Variants in CCDC7 observed in about 807,000 individuals in gnomAD.
CCDC7 encodes coiled-coil domain containing 7.
In CCDC7, 183 loss-of-function variants were observed where a neutral mutation model predicts 196.9. The observed-to-expected ratio is 0.93, with a 90% CI of 0.82 to 1.05. The LOEUF (loss-of-function observed/expected upper bound fraction) is 1.05. Ranked by LOEUF, CCDC7 falls within the 50% of genes least tolerant of loss-of-function variation. The probability of loss-of-function intolerance (pLI) is 0.00; values close to 1 mark genes in which losing one functional copy is unlikely to be tolerated. For synonymous variants in CCDC7, 525 were observed against 484.6 expected, an observed-to-expected ratio of 1.08 and a Z score of -1.10; for missense variants, 1,540 against 1,482.2, an observed-to-expected ratio of 1.04 and a Z score of -0.64.
chr10:32,767,906 CAA>C (rs1360899669), intron 28 of CCDC7, among the ~76,000 whole-genome samples: 1 of 151,946 alleles, frequency 6.6e-6, no homozygotes, highest in Non-Finnish European at 1.5e-5. Context: ...AGAAATTTAA[CAA>C]AGAGATTGAA....
chr10:32,505,905 C>G (rs2044912512), intron 9 of CCDC7, among the ~76,000 whole-genome samples: 1 of 147,636 alleles, frequency 6.8e-6, no homozygotes, highest in South Asian at 2.2e-4. Context: ...CGCTCCTTGC[C>G]TCCCAGACAG....
intron 28 of CCDC7, among the ~76,000 whole-genome samples, chr10:32,740,549 C>T (rs531588186): frequency 1.3e-5 from 2 of 152,284 alleles, no homozygotes; most frequent in South Asian, 4.1e-4. Flanking sequence ...TGACTATGTG[C>T]AGATTTTGGC....
At chr10:32,757,994 A>T (rs1368210779) in intron 28 of CCDC7, among the ~76,000 whole-genome samples, 2 of 152,230 alleles carry the variant, frequency 1.3e-5, no homozygotes, top group Non-Finnish European at 2.9e-5. Flanking sequence ...AAACTAGAAA[A>T]TCTAGAAGAA....
intron 41 of CCDC7, among the ~76,000 whole-genome samples, chr10:32,856,973 C>A (rs1182101454): frequency 6.6e-6 from 1 of 152,088 alleles, no homozygotes; most frequent in Non-Finnish European, 1.5e-5. Context: ...ACACTGAGCC[C>A]CAGACCCCAG....
intron 28 of CCDC7, among the ~76,000 whole-genome samples, chr10:32,746,634 T>C (rs1487646957): frequency 6.6e-6 from 1 of 152,208 alleles, no homozygotes; most frequent in Non-Finnish European, 1.5e-5. Flanking sequence ...CCTGGCTATG[T>C]CTACTTGCAA....
intron 21 of CCDC7, among the ~76,000 whole-genome samples, chr10:32,678,497 A>G (rs60172194): frequency 0.053 from 8,061 of 152,170 alleles, 711 homozygotes; most frequent in African/African-American, 0.18. Flanking sequence ...GGGCAAGCCT[A>G]CTGCTGTGAT....
At chr10:32,518,656 T>C in intron 11 of CCDC7, 151 bp downstream of exon 12, 1 of 607,938 alleles carries the variant, frequency 1.6e-6, no homozygotes, top group Non-Finnish European at 2.5e-6. Flanking sequence ...AATTATGCCA[T>C]ATTCTAAATT....
chr10:32,501,201 G>C (rs1380233628), intron 9 of CCDC7, among the ~76,000 whole-genome samples: 2 of 152,002 alleles, frequency 1.3e-5, no homozygotes, highest in Non-Finnish European at 2.9e-5. Flanking sequence ...GCTTCACAAA[G>C]TTCTCGTCCT....
At chr10:32,576,597 C>A (rs1485459015) in intron 16 of CCDC7, among the ~76,000 whole-genome samples, 2 of 143,826 alleles carry the variant, frequency 1.4e-5, no homozygotes, top group Admixed American at 1.4e-4. Context: ...GTCCCCTAGG[C>A]TGGAGTGCAG....
chr10:32,570,282 T>C (rs1590024649), intron 15 of CCDC7, among the ~76,000 whole-genome samples: 1 of 152,228 alleles, frequency 6.6e-6, no homozygotes, highest in South Asian at 2.1e-4. Flanking sequence ...GATCCAATTA[T>C]TATCCATCAA....
intron 24 of CCDC7, among the ~76,000 whole-genome samples, chr10:32,708,970 G>A (rs1207565309): frequency 6.6e-6 from 1 of 152,038 alleles, no homozygotes; most frequent in Non-Finnish European, 1.5e-5. Context: ...CCCATTACTG[G>A]GTATATACCC....
intron 1 of CCDC7, among the ~76,000 whole-genome samples, chr10:32,452,874 AT>A (rs1476200699): frequency 1.3e-5 from 2 of 152,188 alleles, no homozygotes; most frequent in Non-Finnish European, 2.9e-5. Flanking sequence ...GAGCACAAAT[AT>A]AAAAAAATAT....
chr10:32,479,900 G>T (rs1246886658), intron 8 of CCDC7, among the ~76,000 whole-genome samples: 1 of 150,158 alleles, frequency 6.7e-6, no homozygotes, highest in African/African-American at 2.5e-5. Context: ...TTACTAGTCT[G>T]TTCAGACTTT....
At chr10:32,704,660 G>T (rs1025653635) in intron 24 of CCDC7, among the ~76,000 whole-genome samples, 1 of 152,132 alleles carries the variant, frequency 6.6e-6, no homozygotes, top group Non-Finnish European at 1.5e-5. Flanking sequence ...GCTCCACCCA[G>T]TTCGAACATC....
chr10:32,502,346 A>G (rs1009070097), intron 9 of CCDC7, among the ~76,000 whole-genome samples: 3 of 152,146 alleles, frequency 2.0e-5, no homozygotes, highest in Admixed American at 2.0e-4. Flanking sequence ...CCCAGGTGAG[A>G]CAACACCCCA....
At chr10:32,583,356 T>C (rs900936851) in intron 17 of CCDC7, 49 bp downstream of exon 18, 171 of 1,115,362 alleles carry the variant, frequency 1.5e-4, no homozygotes, top group Non-Finnish European at 1.9e-4. Context: ...TATTGCTCCT[T>C]CAATAAATAA....
chr10:32,687,576 C>T (rs771739382), intron 22 of CCDC7, among the ~76,000 whole-genome samples: 32 of 152,192 alleles, frequency 2.1e-4, no homozygotes, highest in Non-Finnish European at 5.9e-5. Flanking sequence ...TTATCTGTTT[C>T]ACCCTCATCC....
intron 18 of CCDC7, among the ~76,000 whole-genome samples, chr10:32,584,679 G>A (rs2137554283): frequency 6.9e-6 from 1 of 145,704 alleles, no homozygotes; most frequent in East Asian, 2.1e-4. Context: ...CTTGAACCCA[G>A]GAGGTGGAGG....
At chr10:32,443,421 C>T (rs768011162), upstream of CCDC7, among the ~76,000 whole-genome samples, 1 of 152,166 alleles carries the variant, frequency 6.6e-6, no homozygotes, top group African/African-American at 2.4e-5. Context: ...TTCACATTAT[C>T]CCTTGAAGGA....
Sources: allele counts gnomAD v4.1 joint callset (sites outside exome capture counted in the v4.1 genomes callset), GRCh38; gene constraint gnomAD v4.1.1; transcripts MANE v1.5; gene names NCBI Gene and HGNC (gene_info 2026-07-23, HGNC 2026-07-21).